Variants in SLC67A2 observed in about 807,000 individuals in gnomAD.
SLC67A2 encodes solute carrier family 67 member 2, also known as solute carrier family 67 member A2.
chr2:102,723,591 G>A, the SLC67A2 span: 11 of 1,105,706 alleles, frequency 9.9e-6, no homozygotes, highest in South Asian at 3.0e-5. Flanking sequence ...GTTTTTGGAC[G>A]ATGAGTCTGT....
At chr2:102,715,179 T>C in the SLC67A2 span, among the ~76,000 whole-genome samples, 1 of 152,210 alleles carries the variant, frequency 6.6e-6, no homozygotes, top group Non-Finnish European at 1.5e-5. Context: ...TCCTCCTTGC[T>C]GCGGCTAGAG....
chr2:102,726,566 A>C, the SLC67A2 span, among the ~76,000 whole-genome samples: 1 of 151,760 alleles, frequency 6.6e-6, no homozygotes. Flanking sequence ...CAAAGAGGCA[A>C]TGTCCAGCAG....
chr2:102,731,481 T>G, the SLC67A2 span, among the ~76,000 whole-genome samples: 1 of 152,188 alleles, frequency 6.6e-6, no homozygotes, highest in Non-Finnish European at 1.5e-5. Flanking sequence ...CTCTTATATT[T>G]CTAATGTGTA....
At chr2:102,722,207 T>C in the SLC67A2 span, among the ~76,000 whole-genome samples, 1 of 152,260 alleles carries the variant, frequency 6.6e-6, no homozygotes, top group Admixed American at 6.5e-5. Context: ...AGCAGATATT[T>C]CAGTCTTGAA....
At chr2:102,719,584 ACATC>A in the SLC67A2 span, among the ~76,000 whole-genome samples, 1 of 152,226 alleles carries the variant, frequency 6.6e-6, no homozygotes, top group Non-Finnish European at 1.5e-5. Flanking sequence ...TGTCCACGTA[ACATC>A]CATCCATCTA....
the SLC67A2 span, chr2:102,723,665 T>G: frequency 1.3e-6 from 2 of 1,590,926 alleles, no homozygotes; most frequent in Non-Finnish European, 1.7e-6. Context: ...TCAGTATGAA[T>G]ACACAAAACA....
At chr2:102,736,711 C>T in the SLC67A2 span, 1 of 1,613,690 alleles carries the variant, frequency 6.2e-7, no homozygotes, top group Admixed American at 1.7e-5. Flanking sequence ...GAGTCGGCAG[C>T]CTCCGCCTCG....
chr2:102,718,942 C>A, the SLC67A2 span: 13 of 1,614,142 alleles, frequency 8.1e-6, 1 homozygote, highest in East Asian at 2.9e-4. Context: ...TACTGTAGTA[C>A]AGCATGACTG....
chr2:102,729,662 A>C, the SLC67A2 span, among the ~76,000 whole-genome samples: 1 of 152,162 alleles, frequency 6.6e-6, no homozygotes, highest in Non-Finnish European at 1.5e-5. Flanking sequence ...TAGAAAAAAA[A>C]TAATATGGGC....
the SLC67A2 span, chr2:102,731,074 A>T: frequency 1.2e-6 from 2 of 1,613,414 alleles, no homozygotes; most frequent in Admixed American, 3.3e-5. Flanking sequence ...GGAGCCTGTA[A>T]AAAACAAATC....
At chr2:102,726,044 G>A in the SLC67A2 span, among the ~76,000 whole-genome samples, 291 of 152,244 alleles carry the variant, frequency 1.9e-3, 1 homozygote, top group African/African-American at 6.2e-3. Context: ...CAAGCGCTAC[G>A]CCGCATTCAC....
chr2:102,736,607 C>T, the SLC67A2 span: 72 of 1,613,642 alleles, frequency 4.5e-5, no homozygotes, highest in Admixed American at 1.8e-4. Flanking sequence ...GGCCCGAACA[C>T]AGTCAGCACT....
At chr2:102,725,883 G>A in the SLC67A2 span, among the ~76,000 whole-genome samples, 1 of 152,100 alleles carries the variant, frequency 6.6e-6, no homozygotes, top group Non-Finnish European at 1.5e-5. Context: ...AACAAAACTC[G>A]AGATGGTGCC....
chr2:102,733,925 G>A, the SLC67A2 span, among the ~76,000 whole-genome samples: 1 of 152,214 alleles, frequency 6.6e-6, no homozygotes, highest in Non-Finnish European at 1.5e-5. Context: ...TGGTGAGTCT[G>A]AAAAGTACTA....
the SLC67A2 span, among the ~76,000 whole-genome samples, chr2:102,723,338 A>G: frequency 3.1e-4 from 47 of 152,272 alleles, no homozygotes; most frequent in African/African-American, 9.1e-4. Flanking sequence ...GTATGGTGGC[A>G]TATGCCTGTA....
the SLC67A2 span, among the ~76,000 whole-genome samples, chr2:102,728,099 C>A: frequency 6.6e-6 from 1 of 152,016 alleles, no homozygotes; most frequent in Non-Finnish European, 1.5e-5. Context: ...CCTGCCATTT[C>A]ACACACTGAT....
chr2:102,728,637 A>G, the SLC67A2 span, among the ~76,000 whole-genome samples: 1 of 152,156 alleles, frequency 6.6e-6, no homozygotes, highest in Non-Finnish European at 1.5e-5. Flanking sequence ...ATCTGGGGAA[A>G]GGGTTACTGG....
the SLC67A2 span, among the ~76,000 whole-genome samples, chr2:102,736,159 T>G: frequency 6.6e-6 from 1 of 152,074 alleles, no homozygotes; most frequent in African/African-American, 2.4e-5. Flanking sequence ...TTTTAATATT[T>G]AAGTCAACCA....
chr2:102,732,146 A>C, the SLC67A2 span: 9 of 722,780 alleles, frequency 1.2e-5, no homozygotes, highest in African/African-American at 3.5e-5. Flanking sequence ...CGTCTAGAAA[A>C]AAAGGAATTG....
Sources: allele counts gnomAD v4.1 joint callset (sites outside exome capture counted in the v4.1 genomes callset), GRCh38; gene constraint gnomAD v4.1.1; transcripts MANE v1.5; gene names NCBI Gene and HGNC (gene_info 2026-07-23, HGNC 2026-07-21).